Variants in GALNT9 observed in about 807,000 individuals in gnomAD.
GALNT9 encodes GalNAc transferase 9.
Under a neutral mutation model 63.1 loss-of-function variants are expected in GALNT9, and 47 were observed. The ratio of observed to expected loss-of-function variants is 0.75; its 90% CI spans 0.59 to 0.95. The LOEUF (loss-of-function observed/expected upper bound fraction) is 0.95. Ranked by LOEUF, GALNT9 falls within the 40% of genes least tolerant of loss-of-function variation. The pLI, the probability that GALNT9 is intolerant of heterozygous loss-of-function variation, is 0.00. For synonymous variants in GALNT9, 396 were observed against 365.7 expected, an observed-to-expected ratio of 1.08 and a Z score of -0.94; for missense variants, 829 against 874.8, an observed-to-expected ratio of 0.95 and a Z score of 0.66.
intron 5 of GALNT9, among the ~76,000 whole-genome samples, chr12:132,250,529 C>A (rs1455310015): frequency 1.3e-5 from 2 of 152,240 alleles, no homozygotes; most frequent in East Asian, 3.8e-4. Flanking sequence ...GTGGCTCACG[C>A]CTGTAATCCC....
chr12:132,197,091 C>T lies in GALNT9; in HGVS notation c.*16G>A. 6.2e-7 allele frequency: 1 copy of T among 1,613,214 alleles called. No individual in the cohort carries two copies. Among genetic ancestry groups the T allele is most frequent in the Non-Finnish European group, 8.5e-7 (1 of 1,179,470 alleles). ...GCGCCTTCCCGAGGTCTGTGGGGGTCCGGGCGGAGGTGGGGTCAGTGCCGT... is the reference window on the plus strand; with the variant it reads ...GCGCCTTCCCGAGGTCTGTGGGGGTTCGGGCGGAGGTGGGGTCAGTGCCGT... On this transcript the variant is annotated 3_prime_UTR_variant, in exon 11 of 11. Coordinates refer to ENST00000328957, the MANE Select transcript of GALNT9 (RefSeq NM_001122636.2).
chr12:132,227,506 G>A (rs974750147), intron 6 of GALNT9, among the ~76,000 whole-genome samples: 1,699 of 152,342 alleles, frequency 0.011, 30 homozygotes, highest in African/African-American at 0.039. Context: ...CGAGGTGCAC[G>A]TCTCGGCCCA....
At chr12:132,284,629 C>A (rs28410078) in intron 2 of GALNT9, 1 of 152,134 alleles carries the variant, frequency 6.6e-6, no homozygotes, top group Non-Finnish European at 1.5e-5. Context: ...CTGAGGTGTC[C>A]AAGCCTCCAT....
intron 1 of GALNT9, among the ~76,000 whole-genome samples, chr12:132,295,301 G>A (rs1566016415): frequency 6.6e-6 from 1 of 152,276 alleles, no homozygotes; most frequent in East Asian, 1.9e-4. Flanking sequence ...CAGGCGCTGT[G>A]CAGGCAGGGA....
In GALNT9 at chr12:132,248,149, T is replaced by G. The variant is rs113492849; in HGVS notation, c.960-122A>C. On this transcript the variant is annotated intron_variant, in intron 5 of 10. Coordinates refer to ENST00000328957, the MANE Select transcript of GALNT9 (RefSeq NM_001122636.2). ...CCCTCCCTCCTGTGCCTCCTCCCTG[T>G]GCACTCAGGTCCCTGTGCTCAAGGT... 5.7e-3 allele frequency: 7,920 copies of G among 1,382,864 alleles called. 366 individuals carry two copies. The African/African-American group carries it at 0.1, about 17-fold the overall frequency. 85.7% of individuals were successfully genotyped at this position (1,382,864 alleles called of 1,614,324 possible). A position where few individuals can be genotyped will look rare whatever the true frequency, so the allele number is the denominator to read the frequency against.
chr12:132,291,408 G>A lies in GALNT9; in HGVS notation c.239-4978C>T, dbSNP rs1280261801. 4.3e-3 allele frequency among the ~76,000 whole-genome samples: 118 copies of A among 27,518 alleles called. 1 individual carries two copies. Among genetic ancestry groups the A allele is most frequent in the African/African-American group, 0.011 (60 of 5,684 alleles). The allele number at this position is 27,518 out of a possible 152,430, so 18.1% of individuals were successfully genotyped here. A position where few individuals can be genotyped will look rare whatever the true frequency, so the allele number is the denominator to read the frequency against. On this transcript the variant is annotated intron_variant, in intron 1 of 10. Transcript: ENST00000328957. ...CGTCCACAGCACCCACGTCCACAGC[G>A]CACACGTCCACAGCACCCACAACCA...
At chr12:132,247,517 G>A (rs1555238072) in intron 6 of GALNT9, 9 of 449,680 alleles carry the variant, frequency 2.0e-5, no homozygotes, top group African/African-American at 9.9e-5. Context: ...CCTAGGCTCT[G>A]GAGAGGGCTC....
intron 1 of GALNT9, among the ~76,000 whole-genome samples, chr12:132,290,436 C>T (rs1274402261): frequency 1.3e-5 from 2 of 152,148 alleles, no homozygotes; most frequent in Non-Finnish European, 2.9e-5. Context: ...GCCATTGCCA[C>T]CCAACAGGCT....
Position 132,211,581 on chromosome 12 carries a change from G to A in GALNT9, c.1078-7891C>T, listed in dbSNP as rs533328210. Reference sequence around the variant, plus strand: ...AGTCTTACTGTGATCCGCTCACTCCGTCCACCCTCTCTCGTCCACCTGGCC... The same window carrying A: ...AGTCTTACTGTGATCCGCTCACTCCATCCACCCTCTCTCGTCCACCTGGCC... On this transcript the variant is annotated intron_variant, in intron 6 of 10. Transcript: ENST00000328957. 1.1e-3 allele frequency among the ~76,000 whole-genome samples: 170 copies of A among 152,072 alleles called. 1 individual carries two copies. Among genetic ancestry groups the A allele is most frequent in the African/African-American group, 4.0e-3 (165 of 41,486 alleles).
At chr12:132,317,208 C>T (rs368257513) in intron 1 of GALNT9, among the ~76,000 whole-genome samples, 61 of 150,278 alleles carry the variant, frequency 4.1e-4, no homozygotes, top group African/African-American at 1.3e-3. Flanking sequence ...TTACACCCCA[C>T]GGCACATCCC....
rs556566055 is a variant in GALNT9 at position 132,328,399 on chromosome 12, C to T, written c.238+567G>A. 6.2e-4 allele frequency among the ~76,000 whole-genome samples: 94 copies of T among 152,342 alleles called. 1 individual carries two copies. Among genetic ancestry groups the T allele is most frequent in the Non-Finnish European group, 1.2e-3 (85 of 68,024 alleles). ...AGTCTCAGGTCTCAGCTTCAAGCTT[C>T]TCCCATAACAACTTTCTAACGCGGC... On this transcript the variant is annotated intron_variant, in intron 1 of 10. Transcript: ENST00000328957.
At chr12:132,284,380 C>T (rs1260415425) in intron 2 of GALNT9, 2 of 152,290 alleles carry the variant, frequency 1.3e-5, no homozygotes, top group African/African-American at 2.4e-5. Flanking sequence ...CTTTCCAAAC[C>T]GAAGTCATTC....
At chr12:132,303,427 G>A (rs61945668) in intron 1 of GALNT9, among the ~76,000 whole-genome samples, 49,394 of 89,724 alleles carry the variant, frequency 0.55, 13,218 homozygotes, top group East Asian at 0.72. Flanking sequence ...GCACAGCCTC[G>A]CCCGGGCACA....
chr12:132,204,236 A>G (rs553897926), intron 6 of GALNT9, among the ~76,000 whole-genome samples: 4 of 152,308 alleles, frequency 2.6e-5, no homozygotes, highest in Admixed American at 2.6e-4. Context: ...CGTGTTTGTC[A>G]CTGCGTATCC....
intron 6 of GALNT9, among the ~76,000 whole-genome samples, chr12:132,228,603 C>A (rs940543799): frequency 1.2e-3 from 188 of 152,220 alleles, no homozygotes; most frequent in Non-Finnish European, 1.9e-3. Flanking sequence ...AAAGCCACCC[C>A]CCCGGCCCCA....
chr12:132,311,200 A>G (rs1177677572), intron 1 of GALNT9, among the ~76,000 whole-genome samples: 2 of 152,196 alleles, frequency 1.3e-5, no homozygotes, highest in Non-Finnish European at 2.9e-5. Context: ...CTTTTTCCCT[A>G]AGAGGGTGTT....
At chr12:132,201,630 G>A (rs1485904944) in intron 7 of GALNT9, among the ~76,000 whole-genome samples, 1 of 112,474 alleles carries the variant, frequency 8.9e-6, no homozygotes, top group Non-Finnish European at 2.0e-5. Context: ...TGGAGACTGA[G>A]GTCAGCCATA....
chr12:132,294,729 G>A (rs1179483489), intron 1 of GALNT9, among the ~76,000 whole-genome samples: 9 of 152,208 alleles, frequency 5.9e-5, no homozygotes, highest in East Asian at 1.9e-4. Flanking sequence ...CTGGGAGGGC[G>A]GGTGGGGTCA....
At chr12:132,305,684 C>A (rs1288583427) in intron 1 of GALNT9, among the ~76,000 whole-genome samples, 2 of 152,212 alleles carry the variant, frequency 1.3e-5, no homozygotes, top group Non-Finnish European at 2.9e-5. Flanking sequence ...CACACCCTCA[C>A]CTGGGTACAT....
Sources: allele counts gnomAD v4.1 joint callset (sites outside exome capture counted in the v4.1 genomes callset), GRCh38; gene constraint gnomAD v4.1.1; transcripts MANE v1.5; gene names NCBI Gene and HGNC (gene_info 2026-07-23, HGNC 2026-07-21).